GCAT: variants seen among roughly 807,000 people sequenced by gnomAD.
GCAT encodes 2-amino-3-ketobutyrate coenzyme A ligase, mitochondrial.
In GCAT, 26 loss-of-function variants were observed where a neutral mutation model predicts 39.7. That is an observed-to-expected ratio of 0.65 (90% CI 0.48 to 0.91). The LOEUF is 0.91. Ranked by LOEUF, GCAT falls within the 40% of genes least tolerant of loss-of-function variation. The pLI is 0.00. For missense variants in GCAT, 550 were observed against 576.2 expected (o/e 0.95, Z 0.47); for synonymous variants, 218 against 237.2 (o/e 0.92, Z 0.74).
intron 1 of GCAT, 41 bp downstream of exon 1, chr22:37,808,204 A>G: frequency 1.8e-5 from 25 of 1,383,632 alleles, no homozygotes; most frequent in Admixed American, 1.3e-4. Flanking sequence ...ACCTTTCCCG[A>G]GCTTGCGCTG....
chr22:37,815,886 A>C, intron 7 of GCAT, 52 bp downstream of exon 7: 1 of 1,598,462 alleles, frequency 6.3e-7, no homozygotes, highest in Non-Finnish European at 8.5e-7. Flanking sequence ...GGTGAGAGCC[A>C]GCCTCATGTG....
chr22:37,813,809 A>C (rs545709226), intron 4 of GCAT, among the ~76,000 whole-genome samples, 200 bp downstream of exon 4: 1 of 151,974 alleles, frequency 6.6e-6, no homozygotes, highest in East Asian at 1.9e-4. Flanking sequence ...TCTGTCGCCA[A>C]GGCTGGAGTA....
chr22:37,816,496 GT>G (rs1230719005), intron 8 of GCAT, 70 bp from the exon 9 acceptor site: 20 of 1,571,612 alleles, frequency 1.3e-5, no homozygotes, highest in Non-Finnish European at 1.7e-5. Flanking sequence ...ACCTGGGGCA[GT>G]TCCCTTGCCC....
At chr22:37,814,586 G>T (rs1435991660) in intron 4 of GCAT, among the ~76,000 whole-genome samples, 1 of 151,926 alleles carries the variant, frequency 6.6e-6, no homozygotes, top group Non-Finnish European at 1.5e-5. Flanking sequence ...TTGAGACAGG[G>T]TCTCACTATA....
Position 37,808,077 on chromosome 22 carries a change from G to T in GCAT, c.110G>T (p.Gly37Val). 6.4e-7 allele frequency: 1 copy of T among 1,571,432 alleles called. No homozygotes were observed. The highest frequency in any genetic ancestry group is 2.4e-5 in the East Asian group (1 of 41,198). Residue 37 changes from glycine to valine, a missense_variant, in exon 1 of 9, where the codon GGC (glycine) becomes GTC (valine). Around this residue, in one of 3 missense-constraint regions of GCAT, gnomAD observed 154 missense variants for 141.9 expected, o/e 1.08. Transcript: ENST00000248924. ...GGCATTCTGGAGGGGGAGCTGGAAG[G>T]CATCCGCGGAGCTGGCACTTGGAAG... ...LRGILEGELE[G>V]IRGAGTWKSE... is the part of the protein sequence containing the mutation.
chr22:37,812,606 ATCTT>A (rs1921721390), intron 2 of GCAT, among the ~76,000 whole-genome samples: 1 of 152,208 alleles, frequency 6.6e-6, no homozygotes, highest in Admixed American at 6.5e-5. Context: ...AGGAAGACAC[ATCTT>A]TCTTCTCCAC....
rs535164920 is a variant in GCAT at position 37,815,217 on chromosome 22, G to C, written c.668G>C (p.Arg223Thr). 1 of 1,614,152 alleles carries C rather than the reference G, an allele frequency of 6.2e-7. No homozygotes were observed. Among genetic ancestry groups the C allele is most frequent in the East Asian group, 2.2e-5 (1 of 44,876 alleles). Residue 223 changes from arginine to threonine, a missense_variant, in exon 5 of 9, where the codon AGA becomes ACA. By Grantham distance (71) the Arg-to-Thr change is moderately conservative. Coordinates refer to ENST00000248924, the MANE Select transcript of GCAT (RefSeq NM_014291.4). ...CAGGAGATCTGCTGCCTCGCCTCTAGATATGGTGCCCTGGTCTTCATGGAT... is the reference window on the plus strand; with the variant it reads ...CAGGAGATCTGCTGCCTCGCCTCTACATATGGTGCCCTGGTCTTCATGGAT... ...PLQEICCLAS[R>T]YGALVFMDEC... is the part of the protein sequence containing the mutation.
At chr22:37,816,147 G>A (rs960255554) in intron 7 of GCAT, 53 bp from the exon 8 acceptor site, 29 of 1,593,092 alleles carry the variant, frequency 1.8e-5, no homozygotes, top group East Asian at 6.7e-5. Context: ...TGCAAGGAGC[G>A]GGTGTGAATG....
chr22:37,813,295 C>G (rs765428447), intron 3 of GCAT, 168 bp from the exon 4 acceptor site: 1 of 759,760 alleles, frequency 1.3e-6, no homozygotes, highest in Non-Finnish European at 2.4e-6. Flanking sequence ...GCTGGTCCAG[C>G]CCGGCACTGA....
Position 37,815,210 on chromosome 22 carries a change from G to C in GCAT, c.661G>C (p.Ala221Pro). The C allele has an allele frequency of 6.2e-7, 1 of 1,614,082 alleles. No individual in the cohort carries two copies. Among genetic ancestry groups the C allele is most frequent in the East Asian group, 2.2e-5 (1 of 44,876 alleles). The change falls in exon 5 of 9, where the codon GCC (alanine) becomes CCC (proline). Residue 221 changes from alanine to proline, a missense_variant. Physicochemically the swap from Ala to Pro is conservative, Grantham distance 27. Coordinates refer to ENST00000248924, the MANE Select transcript of GCAT (RefSeq NM_014291.4). ...ACCCCTGCAGGAGATCTGCTGCCTC[G>C]CCTCTAGATATGGTGCCCTGGTCTT... is the stretch of plus-strand genomic sequence containing the variant. ...IAPLQEICCL[A>P]SRYGALVFMD...
Position 37,808,011 on chromosome 22 carries a change from C to T in GCAT, c.44C>T (p.Pro15Leu), listed in dbSNP as rs373606096. ...NAWRAALFWV[P>L]RGRRAQSALA... ...TGGCGCGCCGCACTCTTCTGGGTGC[C>T]CCGCGGCCGCCGCGCACAGTCAGCG... Residue 15 changes from proline to leucine, a missense_variant, in exon 1 of 9, where the codon CCC becomes CTC. Around this residue, in one of 3 missense-constraint regions of GCAT, gnomAD observed 154 missense variants for 141.9 expected, o/e 1.08. Coordinates refer to ENST00000248924, the MANE Select transcript of GCAT (RefSeq NM_014291.4). 5 of 1,544,766 alleles carry T rather than the reference C, an allele frequency of 3.2e-6. No individual in the cohort carries two copies. The highest frequency in any genetic ancestry group is 5.0e-5 in the East Asian group (2 of 39,824).
intron 7 of GCAT, 154 bp downstream of exon 7, chr22:37,815,988 T>G (rs1448707648): frequency 2.1e-6 from 1 of 471,660 alleles, no homozygotes; most frequent in African/African-American, 2.1e-5. Flanking sequence ...CCCCTCTAGC[T>G]TCTGTGTCTC....
At chr22:37,809,831 A>AT (rs1270315777) in intron 1 of GCAT, 196 bp from the exon 2 acceptor site, 35 of 674,610 alleles carry the variant, frequency 5.2e-5, no homozygotes, top group Non-Finnish European at 7.9e-5. Flanking sequence ...AAAAAAAAAA[A>AT]GTTTAAACTT....
rs1921138527 is a variant in GCAT at position 37,807,998 on chromosome 22, CTCT to C, written c.35_37del (p.Phe12del). 6.5e-7 allele frequency: 1 copy of C among 1,540,864 alleles called. No individual in the cohort carries two copies. Among genetic ancestry groups the C allele is most frequent in the South Asian group, 1.2e-5 (1 of 83,794 alleles). On this transcript the variant is annotated inframe_deletion, in exon 1 of 9. Coordinates refer to ENST00000248924, the MANE Select transcript of GCAT (RefSeq NM_014291.4). Reference sequence around the variant, plus strand: ...GCCTGGGAACGCCTGGCGCGCCGCACTCTTCTGGGTGCCCCGCGGCCGCCGCGC... The same window carrying C: ...GCCTGGGAACGCCTGGCGCGCCGCACTCTGGGTGCCCCGCGGCCGCCGCGC...
Position 37,815,669 on chromosome 22 carries a change from A to G in GCAT, c.821A>G (p.Tyr274Cys), listed in dbSNP as rs751878879. ...GKALGGASGG[Y>C]TTGPGPLVSL... ...CCTCTTCCCTTCTTCTCAGGGGGCT[A>G]CACGACAGGGCCTGGGCCCCTGGTG... Residue 274 changes from tyrosine (Y) to cysteine (C), a missense_variant, in exon 7 of 9, where the codon TAC (tyrosine) becomes TGC (cysteine). Coordinates refer to ENST00000248924, the MANE Select transcript of GCAT (RefSeq NM_014291.4). 1.9e-6 allele frequency: 3 copies of G among 1,610,392 alleles called. No individual in the cohort carries two copies. The highest frequency in any genetic ancestry group is 4.5e-5 in the East Asian group (2 of 44,840).
rs557035507 is a variant in GCAT at position 37,810,307 on chromosome 22, CCT to C, written c.327+153_327+154del. 8.5e-4 allele frequency: 573 copies of C among 675,412 alleles called. 2 individuals carry two copies. The highest frequency in any genetic ancestry group is 2.8e-3 in the Admixed American group (120 of 42,132). 41.8% of individuals were successfully genotyped at this position (675,412 alleles called of 1,614,324 possible). A position where few individuals can be genotyped will look rare whatever the true frequency, so the allele number is the denominator to read the frequency against. On this transcript the variant is annotated intron_variant, in intron 2 of 8. Coordinates refer to ENST00000248924, the MANE Select transcript of GCAT (RefSeq NM_014291.4). ...GTGCAGCAGAAAGGCTGAGTGCAGG[CCT>C]CTGTTTTGCTGAAAAGCTTTGGCCA...
rs1235609012 is a variant in GCAT at position 37,815,766 on chromosome 22, C to T, written c.918C>T (p.Ala306=). The T allele has an allele frequency of 1.2e-6, 2 of 1,614,016 alleles. No homozygotes were observed. The highest frequency in any genetic ancestry group is 8.5e-7 in the Non-Finnish European group (1 of 1,179,964). Residue 306 remains alanine (A), a synonymous_variant, in exon 7 of 9, where the codon GCC becomes GCT. Transcript: ENST00000248924. ...NSLPPAVVGC[A]SKALDLLMGS... ...TGCCACCTGCTGTCGTTGGCTGCGC[C>T]TCCAAGGCCCTAGATCTGCTGATGG...
intron 7 of GCAT, 134 bp from the exon 8 acceptor site, chr22:37,816,066 C>T: frequency 1.7e-6 from 2 of 1,159,800 alleles, no homozygotes; most frequent in Admixed American, 2.6e-5. Flanking sequence ...CTCCCCTCTG[C>T]CTCTTAGAGC....
intron 1 of GCAT, among the ~76,000 whole-genome samples, chr22:37,809,257 C>T (rs530840460): frequency 6.6e-6 from 1 of 152,336 alleles, no homozygotes; most frequent in Admixed American, 6.5e-5. Context: ...TGAACTTTCC[C>T]CTCTGGCTGT....
Sources: gnomAD v4.1 joint callset for allele counts (sites outside exome capture counted in the v4.1 genomes callset) on GRCh38, gnomAD v4.1.1 for gene constraint, gnomAD v4.1.1 regional missense constraint, MANE v1.5 for transcripts, NCBI Gene and HGNC (gene_info 2026-07-23, HGNC 2026-07-21) for gene names.